ARHGAP22: variants seen among roughly 807,000 people sequenced by gnomAD.
The protein encoded by ARHGAP22 is Rho GTPase activating protein 22, also known as rho GTPase-activating protein 22.
Under a neutral mutation model 59.1 loss-of-function variants are expected in ARHGAP22, and 48 were observed. That is an observed-to-expected ratio of 0.81 (90% CI 0.64 to 1.03). ARHGAP22 has a LOEUF of 1.03. Among genes scored for constraint, ARHGAP22 ranks in the 50% least tolerant of loss-of-function variants. The probability of loss-of-function intolerance (pLI) is 0.00; values close to 1 mark genes in which losing one functional copy is unlikely to be tolerated. For missense variants in ARHGAP22, 1,015 were observed against 958.7 expected (o/e 1.06, Z -0.78); for synonymous variants, 445 against 416.4 (o/e 1.07, Z -0.84).
chr10:48,432,304 T>C, the ARHGAP22 span, among the ~76,000 whole-genome samples: 1 of 152,218 alleles, frequency 6.6e-6, no homozygotes, highest in Non-Finnish European at 1.5e-5. Context: ...TATAGCGACA[T>C]TGTATACTAT....
At chr10:48,454,222 T>C (rs900236217) in intron 6 of ARHGAP22, 61 bp from the exon 7 acceptor site, 8 of 1,448,816 alleles carry the variant, frequency 5.5e-6, no homozygotes, top group Middle Eastern at 1.7e-4. Context: ...GTTCTCTGAC[T>C]GCGAGGAGGG....
At chr10:48,452,039 C>G (rs2046018815) in intron 8 of ARHGAP22, among the ~76,000 whole-genome samples, 1 of 152,136 alleles carries the variant, frequency 6.6e-6, no homozygotes, top group African/African-American at 2.4e-5. Context: ...ATAGTGCACC[C>G]TGCTCACCCC....
the ARHGAP22 span, among the ~76,000 whole-genome samples, chr10:48,434,326 C>G: frequency 6.6e-6 from 1 of 152,146 alleles, no homozygotes; most frequent in African/African-American, 2.4e-5. Context: ...AGGTTTCTTC[C>G]TGTTAAACTT....
At chr10:48,553,052 C>A (rs1564868390) in intron 3 of ARHGAP22, among the ~76,000 whole-genome samples, 1 of 152,226 alleles carries the variant, frequency 6.6e-6, no homozygotes, top group Non-Finnish European at 1.5e-5. Context: ...GCTTCGAGTG[C>A]AGCCTCCCAG....
chr10:48,550,265 G>C (rs1416250070), intron 3 of ARHGAP22, among the ~76,000 whole-genome samples: 1 of 152,170 alleles, frequency 6.6e-6, no homozygotes, highest in African/African-American at 2.4e-5. Context: ...TCTCCTCCTA[G>C]CCTTTCTCAT....
intron 2 of ARHGAP22, among the ~76,000 whole-genome samples, chr10:48,580,551 C>T (rs1194406572): frequency 6.6e-6 from 1 of 152,132 alleles, no homozygotes; most frequent in Non-Finnish European, 1.5e-5. Context: ...AGGAGGGTGA[C>T]AGTAAGGGTC....
intron 4 of ARHGAP22, 121 bp downstream of exon 4, chr10:48,479,515 G>A: frequency 1.9e-6 from 3 of 1,565,168 alleles, no homozygotes; most frequent in South Asian, 2.4e-5. Context: ...GCTGTGAGAA[G>A]CACAGGATGC....
chr10:48,536,887 G>C (rs2055408706), intron 3 of ARHGAP22, among the ~76,000 whole-genome samples: 1 of 152,052 alleles, frequency 6.6e-6, no homozygotes, highest in Non-Finnish European at 1.5e-5. Context: ...GGCTCTTTGT[G>C]CAAATTAGTC....
Position 48,450,604 on chromosome 10 carries a change from T to A in ARHGAP22, c.1525A>T (p.Ser509Cys), listed in dbSNP as rs1455359887. 3.2e-6 allele frequency: 5 copies of A among 1,547,606 alleles called. No homozygotes were observed. In the African/African-American group the frequency reaches 6.8e-5, roughly 21 times the overall value. Residue 509 changes from serine to cysteine, a missense_variant, in exon 9 of 10, where the codon AGT (serine) becomes TGT (cysteine). Physicochemically the swap from Ser to Cys is moderately radical, Grantham distance 112 (BLOSUM62 -1). Coordinates refer to ENST00000249601, the MANE Select transcript of ARHGAP22 (RefSeq NM_021226.4). ...GLVPGIPSVA[S>C]MAWSGASSSE... ...GACGAGGCCCCGGACCACGCCATAC[T>A]GGCCACGCTGGGTATGCCGGGGACC...
At chr10:48,472,733 G>T (rs1336968919) in intron 4 of ARHGAP22, among the ~76,000 whole-genome samples, 2 of 151,812 alleles carry the variant, frequency 1.3e-5, no homozygotes, top group Non-Finnish European at 2.9e-5. Flanking sequence ...ACTTCCACTA[G>T]ATGTCCCCTT....
At chr10:48,652,369 C>T in exon 1 of ARHGAP22, 1 of 1,203,606 alleles carries the variant, frequency 8.3e-7, no homozygotes, top group South Asian at 1.3e-5. Context: ...AAGCTAATTC[C>T]TGTTTTCCAG....
chr10:48,538,395 C>G (rs746570022), intron 3 of ARHGAP22, among the ~76,000 whole-genome samples: 25 of 152,200 alleles, frequency 1.6e-4, no homozygotes, highest in Non-Finnish European at 8.8e-5. Context: ...CTATTCAACT[C>G]AAGACAACAA....
intron 3 of ARHGAP22, among the ~76,000 whole-genome samples, chr10:48,490,478 AC>A (rs1322877608): frequency 8.5e-5 from 13 of 152,158 alleles, no homozygotes. Context: ...CAGTTAAGAA[AC>A]ATTGATACGG....
intron 2 of ARHGAP22, among the ~76,000 whole-genome samples, chr10:48,577,847 C>T (rs1296921808): frequency 1.9e-5 from 2 of 107,062 alleles, no homozygotes; most frequent in Non-Finnish European, 3.4e-5. Context: ...GAGTCTCGCT[C>T]TGCTGCCCAG....
intron 1 of ARHGAP22, among the ~76,000 whole-genome samples, chr10:48,632,549 TTC>T (rs1316323808): frequency 2.0e-5 from 3 of 152,220 alleles, no homozygotes; most frequent in African/African-American, 7.2e-5. Flanking sequence ...TTTCAAGATT[TTC>T]TCTGTCTTTT....
intron 2 of ARHGAP22, among the ~76,000 whole-genome samples, chr10:48,573,941 A>G (rs1162513812): frequency 6.6e-6 from 1 of 152,216 alleles, no homozygotes; most frequent in East Asian, 1.9e-4. Context: ...CTACCAGTAC[A>G]GTGGAAATTG....
Position 48,455,053 on chromosome 10 carries a change from C to T in ARHGAP22, c.741G>A (p.Arg247=), listed in dbSNP as rs2046356779. The stretch of plus-strand genomic sequence containing the variant: ...GGGCGCAGCTGAGGAAGTCCTCGTA[C>T]CTGGCGAAGGGGACCACGGGCTCGG... ...ELPEPVVPFA[R]YEDFLSCAQL... is the part of the protein sequence containing the mutation. The change falls in exon 6 of 10, where the codon AGG becomes AGA. Residue 247 remains arginine, a synonymous_variant. Transcript: ENST00000249601. The T allele has an allele frequency of 4.3e-6, 7 of 1,612,048 alleles. No homozygotes were observed. Among genetic ancestry groups the T allele is most frequent in the Non-Finnish European group, 5.1e-6 (6 of 1,179,272 alleles).
chr10:48,506,307 C>T (rs1220011207), intron 3 of ARHGAP22, among the ~76,000 whole-genome samples: 2 of 152,200 alleles, frequency 1.3e-5, no homozygotes, highest in East Asian at 3.8e-4. Flanking sequence ...TACTGCACAC[C>T]CAAGCTCTAT....
intron 3 of ARHGAP22, among the ~76,000 whole-genome samples, chr10:48,492,450 G>GT (rs557586412): frequency 2.1e-4 from 32 of 152,250 alleles, no homozygotes; most frequent in Admixed American, 6.5e-4. Flanking sequence ...ATCCAACAGA[G>GT]ATATAATGTG....
Sources: gnomAD v4.1 joint callset for allele counts (sites outside exome capture counted in the v4.1 genomes callset) on GRCh38, gnomAD v4.1.1 for gene constraint, MANE v1.5 for transcripts, NCBI Gene and HGNC (gene_info 2026-07-23, HGNC 2026-07-21) for gene names.